Variants in COX7B2 observed in about 807,000 individuals in gnomAD.
COX7B2 encodes cytochrome c oxidase subunit 7B2, mitochondrial.
For synonymous variants in COX7B2, 37 were observed against 32.1 expected (o/e 1.15, Z -0.51); for missense variants, 109 against 95.9 (o/e 1.14, Z -0.57).
At chr4:46,751,062 A>G (rs993800680) in intron 2 of COX7B2, among the ~76,000 whole-genome samples, 1 of 152,034 alleles carries the variant, frequency 6.6e-6, no homozygotes, top group Admixed American at 6.6e-5. Flanking sequence ...TTTCACACAA[A>G]TCTCCTATTC....
At chr4:46,805,530 A>G (rs1157750430) in intron 2 of COX7B2, among the ~76,000 whole-genome samples, 1 of 152,218 alleles carries the variant, frequency 6.6e-6, no homozygotes, top group African/African-American at 2.4e-5. Flanking sequence ...CCCTTTTCAC[A>G]GATGGTAATG....
chr4:46,908,937 G>C (rs553223534), intron 1 of COX7B2, among the ~76,000 whole-genome samples: 2 of 151,898 alleles, frequency 1.3e-5, no homozygotes, highest in South Asian at 2.1e-4. Context: ...CCAGCTACTC[G>C]GGAGGCTGAG....
chr4:46,786,091 TA>T (rs140365733), intron 2 of COX7B2, among the ~76,000 whole-genome samples: 4,210 of 149,746 alleles, frequency 0.028, 159 homozygotes, highest in African/African-American at 0.095. Flanking sequence ...ATTCTTTGAT[TA>T]AAAAAAAAAT....
At chr4:46,853,358 A>G (rs1197823117) in intron 1 of COX7B2, among the ~76,000 whole-genome samples, 2 of 152,118 alleles carry the variant, frequency 1.3e-5, no homozygotes, top group Non-Finnish European at 2.9e-5. Flanking sequence ...TTATTTACAT[A>G]CTTCTTTCTC....
At chr4:46,868,120 C>A (rs558233988) in intron 1 of COX7B2, among the ~76,000 whole-genome samples, 2 of 152,128 alleles carry the variant, frequency 1.3e-5, no homozygotes, top group African/African-American at 4.8e-5. Context: ...GTGTATATAT[C>A]CTATAATTTA....
chr4:46,905,304 T>C (rs905090294), intron 1 of COX7B2, among the ~76,000 whole-genome samples: 2 of 152,192 alleles, frequency 1.3e-5, no homozygotes, highest in African/African-American at 2.4e-5. Context: ...AAAGAATACA[T>C]GTACTCAACA....
chr4:46,861,037 G>A (rs904749540), intron 1 of COX7B2, among the ~76,000 whole-genome samples: 1 of 152,192 alleles, frequency 6.6e-6, no homozygotes, highest in Non-Finnish European at 1.5e-5. Context: ...GGCGTTTTCA[G>A]CATTGGCATA....
intron 2 of COX7B2, among the ~76,000 whole-genome samples, chr4:46,822,552 C>A (rs930197368): frequency 5.0e-4 from 76 of 152,064 alleles, no homozygotes; most frequent in African/African-American, 1.8e-3. Flanking sequence ...GACACAGAAA[C>A]AGAAAAACTG....
At chr4:46,737,213 G>T (rs558122652) in intron 2 of COX7B2, among the ~76,000 whole-genome samples, 21 of 152,166 alleles carry the variant, frequency 1.4e-4, no homozygotes, top group African/African-American at 4.8e-4. Flanking sequence ...CTTTTTATAT[G>T]CTTGTTTGCC....
At chr4:46,761,788 A>T (rs1162431830) in intron 2 of COX7B2, among the ~76,000 whole-genome samples, 1 of 152,074 alleles carries the variant, frequency 6.6e-6, no homozygotes, top group Admixed American at 6.6e-5. Flanking sequence ...AAGAGAGACC[A>T]GGAGAAATCA....
intron 1 of COX7B2, among the ~76,000 whole-genome samples, chr4:46,872,036 G>C (rs1286510561): frequency 1.8e-4 from 27 of 152,102 alleles, no homozygotes; most frequent in Admixed American, 1.8e-3. Flanking sequence ...GTTCATTACA[G>C]CACTATTCAC....
chr4:46,795,934 T>G (rs1718307009), intron 2 of COX7B2, among the ~76,000 whole-genome samples: 1 of 47,588 alleles, frequency 2.1e-5, no homozygotes, highest in African/African-American at 8.1e-5. Flanking sequence ...TAAGTTGGAT[T>G]CCTAGGTATT....
chr4:46,840,982 G>C (rs1214969949), intron 2 of COX7B2, among the ~76,000 whole-genome samples: 1 of 151,954 alleles, frequency 6.6e-6, no homozygotes, highest in Non-Finnish European at 1.5e-5. Flanking sequence ...AAAGACAAAG[G>C]GAGGCAAAGA....
chr4:46,886,214 C>T (rs912112385), intron 1 of COX7B2, among the ~76,000 whole-genome samples: 1 of 152,088 alleles, frequency 6.6e-6, no homozygotes, highest in Non-Finnish European at 1.5e-5. Context: ...TTCTTAAAAG[C>T]ACTCAAAAAC....
At chr4:46,757,484 C>A (rs78255863) in intron 2 of COX7B2, among the ~76,000 whole-genome samples, 328 of 152,192 alleles carry the variant, frequency 2.2e-3, no homozygotes, top group African/African-American at 7.5e-3. Flanking sequence ...TTTAAAAACT[C>A]ACTTGTCACT....
chr4:46,904,993 TA>T (rs529009792), intron 1 of COX7B2, among the ~76,000 whole-genome samples: 128 of 152,314 alleles, frequency 8.4e-4, no homozygotes, highest in African/African-American at 2.8e-3. Flanking sequence ...CCAGATTGCC[TA>T]AGTCTACTTC....
At chr4:46,873,644 A>T (rs1422668247) in intron 1 of COX7B2, among the ~76,000 whole-genome samples, 1 of 152,192 alleles carries the variant, frequency 6.6e-6, no homozygotes, top group African/African-American at 2.4e-5. Context: ...AGAATATGGT[A>T]GGAGCTTAAT....
At chr4:46,738,614 T>C (rs190193138) in intron 2 of COX7B2, among the ~76,000 whole-genome samples, 2 of 152,214 alleles carry the variant, frequency 1.3e-5, no homozygotes, top group East Asian at 1.9e-4. Context: ...CCATATTACA[T>C]ACCTCTACAA....
chr4:46,853,386 AC>A (rs1273909785), intron 1 of COX7B2, among the ~76,000 whole-genome samples: 1 of 152,056 alleles, frequency 6.6e-6, no homozygotes, highest in Non-Finnish European at 1.5e-5. Flanking sequence ...CAGAAATCTG[AC>A]TCTCATCATC....
Sources: gnomAD v4.1 joint callset for allele counts (sites outside exome capture counted in the v4.1 genomes callset) on GRCh38, gnomAD v4.1.1 for gene constraint, MANE v1.5 for transcripts, NCBI Gene and HGNC (gene_info 2026-07-23, HGNC 2026-07-21) for gene names.